RBFOX3: variants seen among roughly 807,000 people sequenced by gnomAD.
The protein encoded by RBFOX3 is RNA binding fox-1 homolog 3, also known as RNA binding protein fox-1 homolog 3.
In RBFOX3, 17 loss-of-function variants were observed where a neutral mutation model predicts 48.7. That is an observed-to-expected ratio of 0.35 (90% CI 0.24 to 0.52). The LOEUF (loss-of-function observed/expected upper bound fraction) is 0.52. Ranked by LOEUF, RBFOX3 falls within the 20% of genes least tolerant of loss-of-function variation. The probability of loss-of-function intolerance (pLI) is 0.94; values close to 1 mark genes in which losing one functional copy is unlikely to be tolerated. For synonymous variants in RBFOX3, 212 were observed against 209.5 expected (o/e 1.01, Z -0.10); for missense variants, 382 against 497.5 (o/e 0.77, Z 2.21).
intron 2 of RBFOX3, among the ~76,000 whole-genome samples, chr17:79,442,470 G>C (rs2071346710): frequency 6.6e-6 from 1 of 151,782 alleles, no homozygotes; most frequent in Admixed American, 6.6e-5. Flanking sequence ...GGGTAGTAAG[G>C]AGCTCACCCT....
the RBFOX3 span, among the ~76,000 whole-genome samples, chr17:79,622,019 A>G: frequency 6.6e-6 from 1 of 152,144 alleles, no homozygotes; most frequent in Non-Finnish European, 1.5e-5. Context: ...ATTCACCCTT[A>G]ATGTAAATTT....
intron 2 of RBFOX3, among the ~76,000 whole-genome samples, chr17:79,393,277 C>G (rs1225263558): frequency 2.6e-5 from 4 of 152,228 alleles, no homozygotes. Context: ...GCTTGGGGCA[C>G]CTCTCCTACC....
chr17:79,408,529 G>A (rs1000643939), intron 2 of RBFOX3, among the ~76,000 whole-genome samples: 1 of 152,144 alleles, frequency 6.6e-6, no homozygotes, highest in Non-Finnish European at 1.5e-5. Context: ...AGCGACCTCC[G>A]AACCTGCGGG....
chr17:79,132,418 G>A lies in RBFOX3; in HGVS notation c.-33-16670C>T, dbSNP rs563851425. ...ATGCACGTCCCTGCCGTGGTCTGAGGCTGTAGCTCTGAGTGTGCACGTGTG... is the reference window on the plus strand; with the variant it reads ...ATGCACGTCCCTGCCGTGGTCTGAGACTGTAGCTCTGAGTGTGCACGTGTG... On this transcript the variant is annotated intron_variant, in intron 4 of 14. Coordinates refer to ENST00000693108, the MANE Select transcript of RBFOX3 (RefSeq NM_001350451.2). 1.3e-3 allele frequency among the ~76,000 whole-genome samples: 205 copies of A among 152,360 alleles called. 1 individual carries two copies. Among genetic ancestry groups the A allele is most frequent in the Non-Finnish European group, 2.4e-3 (164 of 68,024 alleles).
chr17:79,620,326 C>T, the RBFOX3 span, among the ~76,000 whole-genome samples: 20 of 149,348 alleles, frequency 1.3e-4, no homozygotes, highest in African/African-American at 4.2e-4. Flanking sequence ...TGTACATACA[C>T]GCACGCACAC....
At chr17:79,144,496 TG>T (rs2042613090) in intron 4 of RBFOX3, among the ~76,000 whole-genome samples, 1 of 152,058 alleles carries the variant, frequency 6.6e-6, no homozygotes, top group Non-Finnish European at 1.5e-5. Flanking sequence ...CAAGTCTAGA[TG>T]TTTCTAGAAG....
intron 14 of RBFOX3, chr17:79,094,189 C>A (rs557371487): frequency 2.4e-6 from 1 of 417,190 alleles, no homozygotes; most frequent in Non-Finnish European, 4.2e-6. Flanking sequence ...CTCAGGGAAA[C>A]GGATCAGGCA....
chr17:79,554,250 T>C (rs2143769325), intron 1 of RBFOX3, among the ~76,000 whole-genome samples: 1 of 152,324 alleles, frequency 6.6e-6, no homozygotes, highest in African/African-American at 2.4e-5. Context: ...ACTTTTGTTC[T>C]CTCATTTTTA....
At chr17:79,624,135 T>C in the RBFOX3 span, among the ~76,000 whole-genome samples, 1 of 152,322 alleles carries the variant, frequency 6.6e-6, no homozygotes, top group African/African-American at 2.4e-5. Flanking sequence ...TTTAAGCCAC[T>C]AGGTTTGTTG....
At chr17:79,431,372 G>A (rs909461061) in intron 2 of RBFOX3, among the ~76,000 whole-genome samples, 7 of 152,090 alleles carry the variant, frequency 4.6e-5, no homozygotes, top group Non-Finnish European at 1.0e-4. Flanking sequence ...TGAGTGCAAC[G>A]ATGCAATCTT....
intron 1 of RBFOX3, among the ~76,000 whole-genome samples, chr17:79,580,271 C>A (rs1475658632): frequency 2.8e-4 from 35 of 125,520 alleles, no homozygotes; most frequent in African/African-American, 1.0e-3. Context: ...CGTCCTCCTC[C>A]TCCCCCCCCA....
chr17:79,101,729 G>T, intron 8 of RBFOX3, 85 bp from the exon 9 acceptor site: 1 of 1,245,442 alleles, frequency 8.0e-7, no homozygotes, highest in Non-Finnish European at 1.1e-6. Context: ...GCCCTGCTCC[G>T]TTAGCCCCCG....
chr17:79,420,488 T>A (rs1457833237), intron 2 of RBFOX3, among the ~76,000 whole-genome samples: 5 of 152,134 alleles, frequency 3.3e-5, no homozygotes, highest in African/African-American at 1.2e-4. Context: ...TAGAGTCCCC[T>A]GGGACCTTCT....
intron 4 of RBFOX3, among the ~76,000 whole-genome samples, chr17:79,116,261 C>T (rs1239483890): frequency 6.6e-6 from 1 of 152,326 alleles, no homozygotes; most frequent in African/African-American, 2.4e-5. Flanking sequence ...ATCTCCTTCC[C>T]ACCTCAAGAA....
intron 1 of RBFOX3, among the ~76,000 whole-genome samples, chr17:79,572,059 G>A (rs1028522388): frequency 2.6e-5 from 4 of 152,140 alleles, no homozygotes; most frequent in Non-Finnish European, 5.9e-5. Context: ...CCCGAGAGGC[G>A]GGTGTTATTA....
At chr17:79,437,198 C>G (rs1241757175) in intron 2 of RBFOX3, among the ~76,000 whole-genome samples, 3 of 152,140 alleles carry the variant, frequency 2.0e-5, no homozygotes, top group East Asian at 1.9e-4. Flanking sequence ...CAGGAGCCCC[C>G]CTGGGGTCTG....
At chr17:79,101,731 T>C in intron 8 of RBFOX3, 87 bp from the exon 9 acceptor site, 1 of 1,213,398 alleles carries the variant, frequency 8.2e-7, no homozygotes, top group Non-Finnish European at 1.2e-6. Context: ...CCTGCTCCGT[T>C]AGCCCCCGGC....
intron 2 of RBFOX3, among the ~76,000 whole-genome samples, chr17:79,436,649 G>A (rs1403513910): frequency 6.6e-6 from 1 of 152,174 alleles, no homozygotes; most frequent in Non-Finnish European, 1.5e-5. Context: ...AGGAGGCCAG[G>A]GAGCTCCTGC....
chr17:79,506,761 G>A (rs1215457564), intron 1 of RBFOX3, among the ~76,000 whole-genome samples: 6 of 152,282 alleles, frequency 3.9e-5, no homozygotes, highest in African/African-American at 7.2e-5. Flanking sequence ...CCAAAGCACC[G>A]AGGAGAAACG....
Sources: allele counts gnomAD v4.1 joint callset (sites outside exome capture counted in the v4.1 genomes callset), GRCh38; gene constraint gnomAD v4.1.1; transcripts MANE v1.5; gene names NCBI Gene and HGNC (gene_info 2026-07-23, HGNC 2026-07-21).